Variants in PRKCH observed in about 807,000 individuals in gnomAD.
PRKCH encodes protein kinase C eta, also known as protein kinase C eta type.
A neutral mutation model predicts 82.5 loss-of-function variants in PRKCH; 28 were observed. The ratio of observed to expected loss-of-function variants is 0.34; its 90% CI spans 0.25 to 0.47. PRKCH has a LOEUF of 0.47. Among genes scored for constraint, PRKCH ranks in the 20% least tolerant of loss-of-function variants. The pLI, the probability that PRKCH is intolerant of heterozygous loss-of-function variation, is 1.00. For synonymous variants in PRKCH, 322 were observed against 327.4 expected (o/e 0.98, Z 0.18); for missense variants, 705 against 881.8 (o/e 0.80, Z 2.54).
chr14:61,367,345 CGTGTGTGTGTGTGTAT>C (rs2046309796), intron 1 of PRKCH, among the ~76,000 whole-genome samples: 1 of 142,664 alleles, frequency 7.0e-6, no homozygotes, highest in East Asian at 2.0e-4. Context: ...TCAGGTATTG[CGTGTGTGTGTGTGTAT>C]GTGTGTGTGT....
At chr14:61,283,825 C>T (rs1214667928) in intron 1 of PRKCH, among the ~76,000 whole-genome samples, 1 of 151,990 alleles carries the variant, frequency 6.6e-6, no homozygotes, top group Non-Finnish European at 1.5e-5. Flanking sequence ...GAACAAGACC[C>T]TGTCTCAAAA....
At chr14:61,548,062 A>G (rs770668894) in intron 13 of PRKCH, among the ~76,000 whole-genome samples, 176 bp downstream of exon 13, 6 of 152,166 alleles carry the variant, frequency 3.9e-5, no homozygotes, top group Non-Finnish European at 7.4e-5. Flanking sequence ...TGGGACAACA[A>G]TGTCTTCATG....
chr14:61,427,734 G>A (rs979650276), intron 2 of PRKCH, among the ~76,000 whole-genome samples: 3 of 151,928 alleles, frequency 2.0e-5, no homozygotes, highest in African/African-American at 7.3e-5. Flanking sequence ...CTACAGGCAT[G>A]CACCACCATG....
chr14:61,520,130 A>G (rs1180252291), intron 10 of PRKCH, among the ~76,000 whole-genome samples: 2 of 152,094 alleles, frequency 1.3e-5, no homozygotes, highest in Non-Finnish European at 2.9e-5. Flanking sequence ...ACACATTTTA[A>G]TGACTTTTTC....
chr14:61,340,199 G>C (rs2045914668), intron 1 of PRKCH, among the ~76,000 whole-genome samples: 1 of 152,028 alleles, frequency 6.6e-6, no homozygotes, highest in Non-Finnish European at 1.5e-5. Flanking sequence ...CGAAGCCCAG[G>C]AGTGACAGTG....
rs141212675 is a variant in PRKCH, at chr14:61,197,497, G to T, written c.-19+9829G>T. On this transcript the variant is annotated intron_variant, in intron 1 of 3. Transcript: ENST00000555185. ...ACTCTCTGCAGAGTCCCAAGGCAGTGCAGGGCATCACATGGTGAGCGGGCT... is the reference window on the plus strand; with the variant it reads ...ACTCTCTGCAGAGTCCCAAGGCAGTTCAGGGCATCACATGGTGAGCGGGCT... Among the ~76,000 whole-genome samples the T allele has an allele frequency of 9.3e-3, 1,422 of 152,320 alleles. 25 individuals carry two copies. Among genetic ancestry groups the T allele is most frequent in the African/African-American group, 0.032 (1,335 of 41,566 alleles).
chr14:61,329,012 G>A (rs2045743858), intron 1 of PRKCH, among the ~76,000 whole-genome samples: 1 of 150,400 alleles, frequency 6.6e-6, no homozygotes, highest in Admixed American at 6.6e-5. Context: ...TGAAAAAACA[G>A]TCAACTAGAT....
intron 2 of PRKCH, among the ~76,000 whole-genome samples, chr14:61,439,981 G>A (rs754075350): frequency 2.6e-4 from 39 of 152,234 alleles, no homozygotes; most frequent in Non-Finnish European, 5.3e-4. Context: ...GTAGTATTAA[G>A]GGATTAAAAA....
chr14:61,436,641 TC>T (rs1269833631), intron 2 of PRKCH, among the ~76,000 whole-genome samples: 3 of 152,168 alleles, frequency 2.0e-5, no homozygotes, highest in African/African-American at 7.2e-5. Flanking sequence ...CAAGCAATCC[TC>T]CTGCCTCAGC....
chr14:61,524,805 T>C (rs75658948), intron 10 of PRKCH, among the ~76,000 whole-genome samples: 2,833 of 152,314 alleles, frequency 0.019, 46 homozygotes, highest in Admixed American at 0.024. Context: ...TAATTGACCC[T>C]TCAAAACCAC....
At chr14:61,257,043 A>G (rs374053630) in intron 1 of PRKCH, among the ~76,000 whole-genome samples, 8 of 152,144 alleles carry the variant, frequency 5.3e-5, no homozygotes, top group African/African-American at 1.9e-4. Flanking sequence ...CACTACTAAT[A>G]TGCTTTCCTT....
chr14:61,238,318 CAGG>C (rs1566790552), intron 1 of PRKCH, among the ~76,000 whole-genome samples: 1 of 152,216 alleles, frequency 6.6e-6, no homozygotes, highest in East Asian at 1.9e-4. Flanking sequence ...GGGTCCCTGA[CAGG>C]AGATTGAGCC....
At chr14:61,459,004 C>A (rs1884912090) in intron 9 of PRKCH, among the ~76,000 whole-genome samples, 1 of 152,184 alleles carries the variant, frequency 6.6e-6, no homozygotes, top group East Asian at 1.9e-4. Context: ...GATAAGCTGG[C>A]AGACCATGAT....
At chr14:61,352,675 A>AAAG (rs2046094260) in intron 1 of PRKCH, among the ~76,000 whole-genome samples, 6 of 139,544 alleles carry the variant, frequency 4.3e-5, no homozygotes, top group Non-Finnish European at 9.3e-5. Context: ...AGAGAGAGAG[A>AAAG]GAGAGAAAGG....
Position 61,301,807 on chromosome 14 carries a change from T to G in PRKCH, c.-19+114139T>G, listed in dbSNP as rs973787092. 9.9e-5 allele frequency among the ~76,000 whole-genome samples: 15 copies of G among 152,180 alleles called. No individual in the cohort carries two copies. The East Asian group carries it at 2.9e-3, about 29-fold the overall frequency. ...AGTGAGCTGTGATTGCACCATTGCA[T>G]TCCAGCCTTGGTGACAGAATGAGAT... On this transcript the variant is annotated intron_variant, in intron 1 of 3. Coordinates refer to the PRKCH transcript ENST00000555185.
rs565353619 is a variant in PRKCH at position 61,457,438 on chromosome 14, G to T, written c.1105-68G>T. On this transcript the variant is annotated intron_variant, in intron 8 of 13. Coordinates refer to ENST00000332981, the MANE Select transcript of PRKCH (RefSeq NM_006255.5). The stretch of plus-strand genomic sequence containing the variant: ...TTCTCATGTGCCATTCTTTCTTCCT[G>T]TTGTGTGCACACACCCTAAGACCCC... 264 of 1,591,624 alleles carry T rather than the reference G, an allele frequency of 1.7e-4. 1 individual carries two copies. The Admixed American group carries it at 4.5e-3, about 27-fold the overall frequency.
intron 1 of PRKCH, among the ~76,000 whole-genome samples, chr14:61,292,727 A>G (rs1488589984): frequency 7.2e-6 from 1 of 138,708 alleles, no homozygotes; most frequent in African/African-American, 2.7e-5. Flanking sequence ...CCCAAGATTG[A>G]GCTGCTGCAC....
At chr14:61,221,744 C>G (rs75575404) in intron 1 of PRKCH, among the ~76,000 whole-genome samples, 8,362 of 152,152 alleles carry the variant, frequency 0.055, 627 homozygotes, top group African/African-American at 0.17. Flanking sequence ...CCAAGTCAGG[C>G]CCTCCAGACC....
At chr14:61,509,380 T>C (rs1887281120) in intron 10 of PRKCH, among the ~76,000 whole-genome samples, 1 of 152,154 alleles carries the variant, frequency 6.6e-6, no homozygotes, top group Non-Finnish European at 1.5e-5. Context: ...GAAGGAGACT[T>C]CTTCACGATT....
Sources: allele counts gnomAD v4.1 joint callset (sites outside exome capture counted in the v4.1 genomes callset), GRCh38; gene constraint gnomAD v4.1.1; transcripts MANE v1.5; gene names NCBI Gene and HGNC (gene_info 2026-07-23, HGNC 2026-07-21).